SKAP1: variants seen among roughly 807,000 people sequenced by gnomAD.
The protein encoded by SKAP1 is src kinase-associated phosphoprotein 1.
A neutral mutation model predicts 58.5 loss-of-function variants in SKAP1; 44 were observed. The ratio of observed to expected loss-of-function variants is 0.75; its 90% CI spans 0.59 to 0.97. The LOEUF is 0.97. SKAP1 is among the 50% of genes least tolerant of loss of function. SKAP1 has a pLI of 0.00. For synonymous variants in SKAP1, 127 were observed against 149.7 expected, an observed-to-expected ratio of 0.85 and a Z score of 1.11; for missense variants, 390 against 435.2, an observed-to-expected ratio of 0.90 and a Z score of 0.92.
Position 48,371,654 on chromosome 17 carries a change from C to CAAAAAAAAAAA in SKAP1, c.153-7851_153-7841dup, listed in dbSNP as rs71141985. Among the ~76,000 whole-genome samples, 11 of 37,918 alleles carry CAAAAAAAAAAA rather than the reference C, an allele frequency of 2.9e-4. 2 individuals are homozygous for CAAAAAAAAAAA. Among genetic ancestry groups the CAAAAAAAAAAA allele is most frequent in the African/African-American group, 6.7e-4 (5 of 7,458 alleles). The allele number at this position is 37,918 out of a possible 152,430, so 24.9% of individuals were successfully genotyped here. A position where few individuals can be genotyped will look rare whatever the true frequency, so the allele number is the denominator to read the frequency against. On this transcript the variant is annotated intron_variant, in intron 2 of 12. Transcript: ENST00000336915. ...GTAACATGGTGAAACCTTGTCTCCA[C>CAAAAAAAAAAA]AAAAAAAAAAAAAAAAAAAAAAAAA... is the stretch of plus-strand genomic sequence containing the variant.
intron 4 of SKAP1, among the ~76,000 whole-genome samples, chr17:48,197,439 A>G (rs975440804): frequency 5.3e-5 from 8 of 152,124 alleles, no homozygotes; most frequent in African/African-American, 1.7e-4. Context: ...GATTTTCCCC[A>G]GCACTTTGGG....
intron 2 of SKAP1, among the ~76,000 whole-genome samples, chr17:48,388,709 C>T (rs2067308705): frequency 6.6e-6 from 1 of 152,118 alleles, no homozygotes; most frequent in Non-Finnish European, 1.5e-5. Flanking sequence ...TTTTTTAAAA[C>T]CAATAATCTT....
intron 4 of SKAP1, among the ~76,000 whole-genome samples, chr17:48,313,102 A>G (rs2066243007): frequency 8.4e-6 from 1 of 119,476 alleles, no homozygotes; most frequent in African/African-American, 3.2e-5. Flanking sequence ...TTATAGAAAT[A>G]TGGGTTGCTT....
rs561980531 is a variant in SKAP1 at position 48,396,656 on chromosome 17, T to G, written c.152+24A>C. On this transcript the variant is annotated intron_variant, in intron 2 of 12. Coordinates refer to ENST00000336915, the MANE Select transcript of SKAP1 (RefSeq NM_003726.4). Reference sequence around the variant, plus strand: ...ATTGTTTTAAAGCTTATGAAGAAGATTAATGGAACCAGTTTATACAAACCT... The same window carrying G: ...ATTGTTTTAAAGCTTATGAAGAAGAGTAATGGAACCAGTTTATACAAACCT... 4.9e-6 allele frequency: 7 copies of G among 1,436,182 alleles called. No individual in the cohort carries two copies. In the East Asian group the frequency reaches 1.1e-4, roughly 23 times the overall value. 89.0% of individuals were successfully genotyped at this position (1,436,182 alleles called of 1,614,324 possible). A position where few individuals can be genotyped will look rare whatever the true frequency, so the allele number is the denominator to read the frequency against.
chr17:48,180,022 G>C (rs762002962), intron 9 of SKAP1, 32 bp downstream of exon 9: 2 of 1,532,968 alleles, frequency 1.3e-6, no homozygotes, highest in Non-Finnish European at 1.8e-6. Flanking sequence ...TCTGAAACTA[G>C]CATAAGATAA....
chr17:48,395,018 T>C (rs905348413), intron 2 of SKAP1, among the ~76,000 whole-genome samples: 1 of 152,196 alleles, frequency 6.6e-6, no homozygotes, highest in Admixed American at 6.5e-5. Flanking sequence ...TGCAGATATT[T>C]CCTAAAGTTC....
At chr17:48,219,203 A>C (rs2064974043) in intron 4 of SKAP1, among the ~76,000 whole-genome samples, 1 of 152,178 alleles carries the variant, frequency 6.6e-6, no homozygotes. Context: ...TTTATTGAAA[A>C]TTGTATTCCA....
chr17:48,249,981 G>C (rs1236948497), intron 4 of SKAP1, among the ~76,000 whole-genome samples: 1 of 151,596 alleles, frequency 6.6e-6, no homozygotes, highest in African/African-American at 2.4e-5. Flanking sequence ...GGTTGGAGCT[G>C]TTGCTTTCTG....
intron 1 of SKAP1, among the ~76,000 whole-genome samples, chr17:48,403,708 T>C (rs2175158): frequency 0.33 from 50,747 of 151,988 alleles, 9,181 homozygotes; most frequent in African/African-American, 0.47. Context: ...TTTGGCCATA[T>C]AGAAGGAGAA....
chr17:48,186,554 C>T (rs931883594), intron 6 of SKAP1, among the ~76,000 whole-genome samples: 4 of 151,912 alleles, frequency 2.6e-5, no homozygotes, highest in African/African-American at 4.8e-5. Context: ...GGCGTGATCT[C>T]GGCTCACCAC....
chr17:48,423,717 C>T (rs2067822076), intron 1 of SKAP1, among the ~76,000 whole-genome samples: 1 of 152,044 alleles, frequency 6.6e-6, no homozygotes, highest in African/African-American at 2.4e-5. Flanking sequence ...ATTCATGGTA[C>T]CAAAAGTAAG....
chr17:48,146,069 C>G (rs1261677946), intron 11 of SKAP1, among the ~76,000 whole-genome samples: 1 of 152,040 alleles, frequency 6.6e-6, no homozygotes, highest in Non-Finnish European at 1.5e-5. Flanking sequence ...GGTTTATGAA[C>G]CCTTTGCAGT....
chr17:48,257,807 T>C (rs1452608321), intron 4 of SKAP1, among the ~76,000 whole-genome samples: 1 of 151,948 alleles, frequency 6.6e-6, no homozygotes, highest in Non-Finnish European at 1.5e-5. Flanking sequence ...CTTTTAAAAA[T>C]AACTGTAGTG....
chr17:48,224,010 C>CAGAG lies in SKAP1; in HGVS notation c.281-34514_281-34511dup, dbSNP rs10633331. 1.7e-3 allele frequency among the ~76,000 whole-genome samples: 156 copies of CAGAG among 93,684 alleles called. 1 individual carries two copies. Among genetic ancestry groups the CAGAG allele is most frequent in the Admixed American group, 4.7e-3 (35 of 7,504 alleles). 61.5% of individuals were successfully genotyped at this position (93,684 alleles called of 152,430 possible). A position where few individuals can be genotyped will look rare whatever the true frequency, so the allele number is the denominator to read the frequency against. The stretch of plus-strand genomic sequence containing the variant: ...GAGCTGAACTCTGAGAGATGGGAGA[C>CAGAG]AGAGAGAGAGAGAGAGAGAGAGAGA... On this transcript the variant is annotated intron_variant, in intron 4 of 12. Transcript: ENST00000336915.
chr17:48,191,960 G>A lies in SKAP1; in HGVS notation c.281-2460C>T, dbSNP rs531600130. On this transcript the variant is annotated intron_variant, in intron 4 of 12. Coordinates refer to ENST00000336915, the MANE Select transcript of SKAP1 (RefSeq NM_003726.4). ...AGTAGCAGATTCTACTGAGGGTGAG[G>A]CATTGAGTGGGGTGAGGACCAGTTA... 1.2e-4 allele frequency among the ~76,000 whole-genome samples: 19 copies of A among 152,266 alleles called. 1 individual carries two copies. The East Asian group carries it at 3.3e-3, about 26-fold the overall frequency.
intron 9 of SKAP1, among the ~76,000 whole-genome samples, chr17:48,175,445 C>T (rs1193928922): frequency 1.3e-5 from 2 of 152,206 alleles, no homozygotes; most frequent in Admixed American, 1.3e-4. Context: ...GGATGTATAG[C>T]ACCTCATCAG....
At chr17:48,187,396 C>G (rs959164364) in intron 6 of SKAP1, among the ~76,000 whole-genome samples, 7 of 152,324 alleles carry the variant, frequency 4.6e-5, no homozygotes, top group African/African-American at 1.7e-4. Flanking sequence ...TACTTACTTA[C>G]TAGCAGTCAT....
rs183520446 is a variant in SKAP1 at position 48,296,807 on chromosome 17, G to A, written c.280+49098C>T. On this transcript the variant is annotated intron_variant, in intron 4 of 12. Coordinates refer to ENST00000336915, the MANE Select transcript of SKAP1 (RefSeq NM_003726.4). ...AGAAAATATTATTATAAAATATTCA[G>A]AATACAGGTAATCATTTGCATTTTA... is the stretch of plus-strand genomic sequence containing the variant. Among the ~76,000 whole-genome samples, 696 of 151,544 alleles carry A rather than the reference G, an allele frequency of 4.6e-3. 3 individuals are homozygous for A. Among genetic ancestry groups the A allele is most frequent in the Non-Finnish European group, 6.6e-3 (445 of 67,890 alleles).
intron 3 of SKAP1, among the ~76,000 whole-genome samples, chr17:48,357,270 G>T (rs781743041): frequency 6.6e-6 from 1 of 151,916 alleles, no homozygotes; most frequent in Non-Finnish European, 1.5e-5. Flanking sequence ...AGGACTTTTA[G>T]AAAGGACATA....
Sources: gnomAD v4.1 joint callset for allele counts (sites outside exome capture counted in the v4.1 genomes callset) on GRCh38, gnomAD v4.1.1 for gene constraint, MANE v1.5 for transcripts, NCBI Gene and HGNC (gene_info 2026-07-23, HGNC 2026-07-21) for gene names.